Variants in RABGAP1L observed in about 807,000 individuals in gnomAD.
RABGAP1L encodes rab GTPase-activating protein 1-like.
A neutral mutation model predicts 137.7 loss-of-function variants in RABGAP1L; 63 were observed. The observed-to-expected ratio is 0.46, with a 90% CI of 0.37 to 0.56. RABGAP1L has a LOEUF of 0.56. Among genes scored for constraint, RABGAP1L ranks in the 20% least tolerant of loss-of-function variants. The pLI is 0.00. For synonymous variants in RABGAP1L, 431 were observed against 433.7 expected, an observed-to-expected ratio of 0.99 and a Z score of 0.08; for missense variants, 1,095 against 1,244.0, an observed-to-expected ratio of 0.88 and a Z score of 1.80.
In RABGAP1L at chr1:174,429,687, C is replaced by T. The variant is rs564250455; in HGVS notation, c.1710+35542C>T. On this transcript the variant is annotated intron_variant, in intron 13 of 25. Coordinates refer to ENST00000681986, the MANE Select transcript of RABGAP1L (RefSeq NM_001366446.1). ...CCGGGAGGCGGAAGTTGCAGTGAGC[C>T]GAGATTGTGCCATTGCACTCCAGCC... Among the ~76,000 whole-genome samples the T allele has an allele frequency of 3.3e-5, 5 of 151,226 alleles. No homozygotes were observed. In the East Asian group the frequency reaches 5.8e-4, roughly 18 times the overall value.
At chr1:174,210,401 A>T (rs926849872) in intron 1 of RABGAP1L, among the ~76,000 whole-genome samples, 2 of 152,226 alleles carry the variant, frequency 1.3e-5, no homozygotes, top group African/African-American at 4.8e-5. Context: ...AAATAATTAA[A>T]AAGAATCAAG....
intron 17 of RABGAP1L, among the ~76,000 whole-genome samples, chr1:174,724,966 A>G (rs1681868240): frequency 6.6e-6 from 1 of 152,208 alleles, no homozygotes; most frequent in African/African-American, 2.4e-5. Flanking sequence ...AAAGAAAGCC[A>G]GACTTTCTAG....
chr1:174,644,763 T>C (rs4651114), intron 14 of RABGAP1L, among the ~76,000 whole-genome samples: 30,528 of 152,138 alleles, frequency 0.2, 3,501 homozygotes, highest in Admixed American at 0.24. Context: ...CTAATTGTTA[T>C]GCAGTTGACA....
chr1:174,393,061 T>G (rs1647347922), intron 12 of RABGAP1L, among the ~76,000 whole-genome samples: 1 of 152,220 alleles, frequency 6.6e-6, no homozygotes, highest in Non-Finnish European at 1.5e-5. Context: ...CAGATGGGCA[T>G]AGTAGCATAT....
At chr1:174,563,035 A>G (rs1335573067) in intron 13 of RABGAP1L, among the ~76,000 whole-genome samples, 1 of 152,214 alleles carries the variant, frequency 6.6e-6, no homozygotes, top group Non-Finnish European at 1.5e-5. Flanking sequence ...GTTTGATATT[A>G]TCATTTACAT....
intron 17 of RABGAP1L, among the ~76,000 whole-genome samples, chr1:174,749,176 A>C (rs1573019428): frequency 2.2e-5 from 1 of 46,102 alleles, no homozygotes; most frequent in Non-Finnish European, 3.7e-5. Context: ...ACTCTGTCTC[A>C]AAAAAAAAAA....
At chr1:174,887,567 A>T (rs890957092) in intron 19 of RABGAP1L, among the ~76,000 whole-genome samples, 7 of 151,856 alleles carry the variant, frequency 4.6e-5, no homozygotes, top group East Asian at 3.9e-4. Context: ...CAACATTGTT[A>T]TCTCAACCTG....
chr1:174,188,509 CAA>C (rs1558015011), intron 1 of RABGAP1L, among the ~76,000 whole-genome samples: 1 of 152,152 alleles, frequency 6.6e-6, no homozygotes, highest in Non-Finnish European at 1.5e-5. Flanking sequence ...TAAATTATGT[CAA>C]GTGTTGTATA....
At chr1:174,195,858 CAG>C (rs372897605) in intron 1 of RABGAP1L, among the ~76,000 whole-genome samples, 105 of 109,894 alleles carry the variant, frequency 9.6e-4, no homozygotes, top group African/African-American at 3.1e-3. Context: ...TTTTTTGAGA[CAG>C]AGTCTTGCTC....
chr1:174,246,532 A>G (rs917345761), intron 5 of RABGAP1L, among the ~76,000 whole-genome samples: 2 of 152,184 alleles, frequency 1.3e-5, no homozygotes, highest in Non-Finnish European at 2.9e-5. Context: ...GTATGGTTTC[A>G]TCTGTACTGA....
chr1:174,649,024 C>T (rs1382823949), intron 14 of RABGAP1L, among the ~76,000 whole-genome samples: 3 of 151,984 alleles, frequency 2.0e-5, no homozygotes, highest in South Asian at 4.1e-4. Context: ...GATTGCCACC[C>T]CTGCTTTTTT....
Position 174,448,923 on chromosome 1 carries a change from C to T in RABGAP1L, c.1710+54778C>T. On this transcript the variant is annotated intron_variant, in intron 13 of 25. Coordinates refer to ENST00000681986, the MANE Select transcript of RABGAP1L (RefSeq NM_001366446.1). This position sits in a 1 kb window ranked among gnomAD's most constrained non-coding sequence, Gnocchi z 4.2. ...TACGCCATGGTTTTGTTTAGGATAA[C>T]CAGTGTATTTTATATGCTGTGGCTC... The T allele has an allele frequency of 6.2e-7, 1 of 1,613,832 alleles. No homozygotes were observed. The highest frequency in any genetic ancestry group is 8.5e-7 in the Non-Finnish European group (1 of 1,179,774).
At chr1:174,788,748 G>A (rs1180039699) in intron 18 of RABGAP1L, among the ~76,000 whole-genome samples, 1 of 152,078 alleles carries the variant, frequency 6.6e-6, no homozygotes, top group Non-Finnish European at 1.5e-5. Context: ...GTCTTGTTCT[G>A]TTGCCCAGGC....
At chr1:174,383,486 C>T (rs575770211) in intron 12 of RABGAP1L, among the ~76,000 whole-genome samples, 1 of 152,314 alleles carries the variant, frequency 6.6e-6, no homozygotes, top group South Asian at 2.1e-4. Context: ...GGGATATAAT[C>T]TCGTGGTGCG....
At chr1:174,187,123 C>T (rs1666863191) in intron 1 of RABGAP1L, among the ~76,000 whole-genome samples, 1 of 152,080 alleles carries the variant, frequency 6.6e-6, no homozygotes, top group Admixed American at 6.6e-5. Flanking sequence ...TTGGCTGGCC[C>T]AGATCTTTTG....
At chr1:174,164,257 A>G (rs528492642) in intron 1 of RABGAP1L, among the ~76,000 whole-genome samples, 93 of 152,200 alleles carry the variant, frequency 6.1e-4, no homozygotes, top group South Asian at 1.9e-3. Context: ...CCTTCTGGTG[A>G]TATCAGTTTG....
intron 10 of RABGAP1L, among the ~76,000 whole-genome samples, chr1:174,281,528 G>T (rs1423579568): frequency 6.6e-6 from 1 of 152,178 alleles, no homozygotes; most frequent in Non-Finnish European, 1.5e-5. Context: ...CGACCCAGAA[G>T]CCCAGCCGGA....
chr1:174,780,940 G>GTGCC (rs1448608790), intron 18 of RABGAP1L, among the ~76,000 whole-genome samples: 1 of 151,810 alleles, frequency 6.6e-6, no homozygotes, highest in East Asian at 1.9e-4. Flanking sequence ...TGGTGTATAT[G>GTGCC]TGCCACATTT....
intron 13 of RABGAP1L, among the ~76,000 whole-genome samples, chr1:174,601,691 A>G (rs1557886814): frequency 6.6e-6 from 1 of 152,294 alleles, no homozygotes; most frequent in East Asian, 1.9e-4. Context: ...TTTCTTTTCT[A>G]CTGCATTAGG....
Sources: allele counts gnomAD v4.1 joint callset (sites outside exome capture counted in the v4.1 genomes callset), GRCh38; gene constraint gnomAD v4.1.1; non-coding constraint Gnocchi (gnomAD v3.1); transcripts MANE v1.5; gene names NCBI Gene and HGNC (gene_info 2026-07-23, HGNC 2026-07-21).